The following EZH1 variants were observed in gnomAD, a reference collection of about 807,000 sequenced individuals.
The protein encoded by EZH1 is enhancer of zeste 1 polycomb repressive complex 2 subunit.
In EZH1, 33 loss-of-function variants were observed where a neutral mutation model predicts 100.5. The ratio of observed to expected loss-of-function variants is 0.33; its 90% CI spans 0.25 to 0.44. The LOEUF (loss-of-function observed/expected upper bound fraction) is 0.44. Ranked by LOEUF, EZH1 falls within the 20% of genes least tolerant of loss-of-function variation. EZH1 has a pLI of 1.00. For missense variants in EZH1, 475 were observed against 928.4 expected (o/e 0.51, Z 6.35); for synonymous variants, 272 against 313.8 (o/e 0.87, Z 1.41).
rs1357403302 is a variant in EZH1, at chr17:42,738,560, T to C, written c.-103+6451A>G. On this transcript the variant is annotated intron_variant, in intron 1 of 20. Transcript: ENST00000428826. ...TTTTTTGAGATGGAGTCTCACTCTG[T>C]TGCCAGGCTGGAGTGCGTTGGTGCA... is the stretch of plus-strand genomic sequence containing the variant. Among the ~76,000 whole-genome samples, 9 of 151,666 alleles carry C rather than the reference T, an allele frequency of 5.9e-5. No homozygotes were observed. In the East Asian group the frequency reaches 1.7e-3, roughly 29 times the overall value.
chr17:42,739,157 A>G (rs938374444), intron 1 of EZH1, among the ~76,000 whole-genome samples: 62 of 152,322 alleles, frequency 4.1e-4, no homozygotes, highest in African/African-American at 1.5e-3. Flanking sequence ...AAAGAGCTCT[A>G]GTAACACACC....
At position 42,745,036 on chromosome 17, in the gene EZH1, C is replaced by A; in HGVS notation, c.-128G>T. On this transcript the variant is annotated 5_prime_UTR_variant, in exon 1 of 21. Transcript: ENST00000428826. ...CCTCCATCCCGAGCCGCGGGTCCCG[C>A]TGCTAGGACGCATGCGCGCCGCGGC... 7.9e-7 allele frequency: 1 copy of A among 1,270,122 alleles called. No individual in the cohort carries two copies. The highest frequency in any genetic ancestry group is 1.0e-6 in the Non-Finnish European group (1 of 980,796). 78.7% of individuals were successfully genotyped at this position (1,270,122 alleles called of 1,614,324 possible).
chr17:42,720,628 G>C (rs1326037880), intron 6 of EZH1, among the ~76,000 whole-genome samples, 179 bp from the exon 7 acceptor site: 2 of 152,124 alleles, frequency 1.3e-5, no homozygotes, highest in Non-Finnish European at 2.9e-5. Context: ...TGGGCAGCTG[G>C]CTAGAGTAGG....
In EZH1 at chr17:42,720,397, G is replaced by A. The variant is rs760640453; in HGVS notation, c.540C>T (p.Val180=). 16 of 1,613,708 alleles carry A rather than the reference G, an allele frequency of 9.9e-6. No individual in the cohort carries two copies. Among genetic ancestry groups the A allele is most frequent in the African/African-American group, 4.0e-5 (3 of 74,858 alleles). Residue 180 remains valine (V), a synonymous_variant, in exon 7 of 21, where the codon GTC becomes GTT. Transcript: ENST00000428826. ...CATCTGAGTACTGATTCAGGGCATCGACCAACTCCAGAAAAACAGCATCAC... is the reference window on the plus strand; with the variant it reads ...CATCTGAGTACTGATTCAGGGCATCAACCAACTCCAGAAAAACAGCATCAC... ...LISDAVFLEL[V]DALNQYSDEE...
Sources: allele counts gnomAD v4.1 joint callset (sites outside exome capture counted in the v4.1 genomes callset), GRCh38; gene constraint gnomAD v4.1.1; transcripts MANE v1.5; gene names NCBI Gene and HGNC (gene_info 2026-07-23, HGNC 2026-07-21).